CADM1: variants seen among roughly 807,000 people sequenced by gnomAD.
CADM1 encodes the protein cell adhesion molecule 1.
In CADM1, 15 loss-of-function variants were observed where a neutral mutation model predicts 53.1. The ratio of observed to expected loss-of-function variants is 0.28; its 90% CI spans 0.19 to 0.44. CADM1 has a LOEUF of 0.44. Ranked by LOEUF, CADM1 falls within the 20% of genes least tolerant of loss-of-function variation. The pLI, the probability that CADM1 is intolerant of heterozygous loss-of-function variation, is 1.00. For missense variants in CADM1, 434 were observed against 611.3 expected (o/e 0.71, Z 3.06); for synonymous variants, 281 against 243.0 (o/e 1.16, Z -1.45).
chr11:115,308,739 TTTTCCTTTCC>T (rs530895127), intron 1 of CADM1, among the ~76,000 whole-genome samples: 3 of 150,318 alleles, frequency 2.0e-5, no homozygotes, highest in Non-Finnish European at 4.4e-5. Context: ...CTCCCTCCCT[TTTTCCTTTCC>T]TTTCCTTTCC....
chr11:115,482,618 T>C (rs141830793), intron 1 of CADM1, among the ~76,000 whole-genome samples: 8 of 152,340 alleles, frequency 5.3e-5, no homozygotes, highest in Non-Finnish European at 1.0e-4. Context: ...AGTAGAGGTA[T>C]TTATAAACGT....
chr11:115,375,557 A>G (rs953488637), intron 1 of CADM1, among the ~76,000 whole-genome samples: 11 of 152,226 alleles, frequency 7.2e-5, no homozygotes, highest in African/African-American at 1.2e-4. Flanking sequence ...ACAGAGATGT[A>G]TTTGATACGA....
At chr11:115,272,374 T>A (rs957406896) in intron 1 of CADM1, among the ~76,000 whole-genome samples, 1 of 152,130 alleles carries the variant, frequency 6.6e-6, no homozygotes, top group African/African-American at 2.4e-5. Flanking sequence ...TATTATCTAA[T>A]AGTAATGAGT....
At chr11:115,453,187 G>A (rs1342749231) in intron 1 of CADM1, among the ~76,000 whole-genome samples, 1 of 151,994 alleles carries the variant, frequency 6.6e-6, no homozygotes, top group Non-Finnish European at 1.5e-5. Context: ...GACCAACCTA[G>A]GCAACATGAT....
chr11:115,243,495 A>G (rs1942310804), intron 1 of CADM1, among the ~76,000 whole-genome samples: 1 of 152,192 alleles, frequency 6.6e-6, no homozygotes, highest in Non-Finnish European at 1.5e-5. Flanking sequence ...AGAGCTCCAC[A>G]CTTTAAGGCA....
At chr11:115,468,466 T>A (rs1478934787) in intron 1 of CADM1, among the ~76,000 whole-genome samples, 1 of 152,208 alleles carries the variant, frequency 6.6e-6, no homozygotes, top group African/African-American at 2.4e-5. Context: ...GTTAAAATCC[T>A]AAAAGACTTC....
At chr11:115,440,529 T>G (rs1161151188) in intron 1 of CADM1, among the ~76,000 whole-genome samples, 2 of 152,180 alleles carry the variant, frequency 1.3e-5, no homozygotes, top group African/African-American at 4.8e-5. Flanking sequence ...ACAAATGCAA[T>G]AAGATGCTTT....
chr11:115,272,625 T>A (rs1943330126), intron 1 of CADM1, among the ~76,000 whole-genome samples: 1 of 151,848 alleles, frequency 6.6e-6, no homozygotes, highest in Admixed American at 6.6e-5. Context: ...AATTCCGTAT[T>A]TTTCAGAAAT....
intron 1 of CADM1, among the ~76,000 whole-genome samples, chr11:115,413,670 A>G (rs907473959): frequency 1.5e-4 from 11 of 73,068 alleles, no homozygotes; most frequent in African/African-American, 4.6e-4. Flanking sequence ...TCTGAGACAG[A>G]GTCTTGCTCT....
intron 1 of CADM1, among the ~76,000 whole-genome samples, chr11:115,414,009 T>C (rs938862042): frequency 6.6e-6 from 1 of 152,076 alleles, no homozygotes; most frequent in Non-Finnish European, 1.5e-5. Context: ...AGTCTCATGA[T>C]ATCACACTCA....
intron 1 of CADM1, chr11:115,399,097 G>A (rs1591779153): frequency 6.6e-6 from 1 of 152,122 alleles, no homozygotes. Flanking sequence ...TACACCTATT[G>A]AGTAAATGAG....
intron 1 of CADM1, among the ~76,000 whole-genome samples, chr11:115,410,154 A>G (rs1225142607): frequency 6.6e-6 from 1 of 152,264 alleles, no homozygotes; most frequent in African/African-American, 2.4e-5. Context: ...TGTTTTGAGC[A>G]GACTCAAATC....
chr11:115,347,113 C>T (rs541207475), intron 1 of CADM1, among the ~76,000 whole-genome samples: 25 of 152,266 alleles, frequency 1.6e-4, no homozygotes, highest in African/African-American at 4.1e-4. Context: ...GCCAACACAA[C>T]GCTCCAGGAT....
intron 1 of CADM1, among the ~76,000 whole-genome samples, chr11:115,465,557 G>C (rs960259369): frequency 1.3e-5 from 2 of 152,128 alleles, no homozygotes; most frequent in Non-Finnish European, 2.9e-5. Flanking sequence ...ACCATGAAAA[G>C]CATATAGATA....
chr11:115,271,778 T>C (rs2135049449), intron 1 of CADM1, among the ~76,000 whole-genome samples: 1 of 152,356 alleles, frequency 6.6e-6, no homozygotes, highest in South Asian at 2.1e-4. Context: ...CTGGTACTAT[T>C]CTTGGCTAAA....
intron 1 of CADM1, among the ~76,000 whole-genome samples, chr11:115,275,832 A>G (rs760754050): frequency 6.6e-6 from 1 of 152,178 alleles, no homozygotes; most frequent in Non-Finnish European, 1.5e-5. Flanking sequence ...CCTGTTTTCC[A>G]CTAACGGAGA....
chr11:115,337,979 T>C (rs184371572), intron 1 of CADM1, among the ~76,000 whole-genome samples: 43 of 152,236 alleles, frequency 2.8e-4, no homozygotes, highest in Non-Finnish European at 3.8e-4. Context: ...TCAAAGCTGG[T>C]AGCATACTGG....
At chr11:115,418,890 T>C (rs558084590) in intron 1 of CADM1, among the ~76,000 whole-genome samples, 2 of 152,232 alleles carry the variant, frequency 1.3e-5, no homozygotes, top group Admixed American at 6.5e-5. Context: ...CTATATAACA[T>C]CATAGTCTAC....
Position 115,432,087 on chromosome 11 carries a change from C to T in CADM1, c.124+72184G>A, listed in dbSNP as rs182713912. The stretch of plus-strand genomic sequence containing the variant: ...TCAGCCTCCCTAGTAGCTGGGACTA[C>T]AGGTGCACGCCACCACACCTGGCTA... On this transcript the variant is annotated intron_variant, in intron 1 of 11. Coordinates refer to ENST00000331581, the MANE Select transcript of CADM1 (RefSeq NM_001301043.2). Among the ~76,000 whole-genome samples the T allele has an allele frequency of 2.1e-3, 313 of 152,180 alleles. 3 individuals are homozygous for T. The highest frequency in any genetic ancestry group is 7.2e-3 in the African/African-American group (297 of 41,524).
Sources: allele counts gnomAD v4.1 joint callset (sites outside exome capture counted in the v4.1 genomes callset), GRCh38; gene constraint gnomAD v4.1.1; transcripts MANE v1.5; gene names NCBI Gene and HGNC (gene_info 2026-07-23, HGNC 2026-07-21).